Variants in AP2B1 observed in about 807,000 individuals in gnomAD.
AP2B1 encodes the protein adaptor related protein complex 2 subunit beta 1, also known as AP-2 complex subunit beta.
A neutral mutation model predicts 102.0 loss-of-function variants in AP2B1; 23 were observed. The observed-to-expected ratio is 0.23, with a 90% CI of 0.16 to 0.32. The LOEUF (loss-of-function observed/expected upper bound fraction) is 0.32, where lower values mean the gene tolerates loss of function less well. Ranked by LOEUF, AP2B1 falls within the 10% of genes least tolerant of loss-of-function variation. The probability of loss-of-function intolerance (pLI) is 1.00; values close to 1 mark genes in which losing one functional copy is unlikely to be tolerated. For missense variants in AP2B1, 541 were observed against 1,157.4 expected (o/e 0.47, Z 7.73); for synonymous variants, 381 against 421.2 (o/e 0.90, Z 1.17).
intron 18 of AP2B1, among the ~76,000 whole-genome samples, chr17:35,692,816 G>A (rs2076065557): frequency 6.6e-6 from 1 of 152,060 alleles, no homozygotes; most frequent in Non-Finnish European, 1.5e-5. Flanking sequence ...TGGAAGGGAT[G>A]GTCTTTAATT....
At chr17:35,597,650 A>T (rs368910026) in intron 2 of AP2B1, among the ~76,000 whole-genome samples, 1 of 152,180 alleles carries the variant, frequency 6.6e-6, no homozygotes, top group Admixed American at 6.5e-5. Flanking sequence ...CTTTGACATT[A>T]TGATTTATTT....
At chr17:35,616,308 G>A (rs915806435) in intron 5 of AP2B1, among the ~76,000 whole-genome samples, 2 of 151,484 alleles carry the variant, frequency 1.3e-5, no homozygotes, top group Non-Finnish European at 2.9e-5. Flanking sequence ...GGGACTACAG[G>A]CGCCCACCAC....
chr17:35,610,308 C>T (rs1251696981), intron 5 of AP2B1, among the ~76,000 whole-genome samples: 2 of 151,830 alleles, frequency 1.3e-5, no homozygotes, highest in Non-Finnish European at 2.9e-5. Flanking sequence ...CTACCATGCC[C>T]GGCTAATTTT....
In AP2B1 at chr17:35,650,746, A is replaced by G. The variant is rs369933211; in HGVS notation, c.1753A>G (p.Ser585Gly). The change falls in exon 13 of 22, where the codon AGT (serine) becomes GGT (glycine). Residue 585 changes from serine to glycine, a missense_variant. This residue lies in a region of AP2B1 where 106 missense variants were observed against 296.4 expected (regional missense o/e 0.36). Transcript: ENST00000610402. ...GCCTCCCAATGCTTTTGTGGAAGGA[A>G]GTCATGGAATTCATCGTAAACACTT... is the stretch of plus-strand genomic sequence containing the variant. ...HKPPNAFVEG[S>G]HGIHRKHLPI... 3.1e-6 allele frequency: 5 copies of G among 1,614,112 alleles called. No individual in the cohort carries two copies. In the South Asian group the frequency reaches 4.4e-5, roughly 14 times the overall value.
intron 5 of AP2B1, 101 bp downstream of exon 5, chr17:35,608,488 G>T: frequency 7.3e-7 from 1 of 1,365,350 alleles, no homozygotes; most frequent in Non-Finnish European, 1.0e-6. Flanking sequence ...TGGGTTATGG[G>T]GTAGCTATGG....
chr17:35,630,422 A>G (rs2074430001), intron 9 of AP2B1, among the ~76,000 whole-genome samples: 1 of 152,210 alleles, frequency 6.6e-6, no homozygotes, highest in African/African-American at 2.4e-5. Context: ...ATATCTTACT[A>G]GCCGTCTACT....
intron 17 of AP2B1, among the ~76,000 whole-genome samples, chr17:35,680,809 G>C (rs1390692406): frequency 6.7e-6 from 1 of 148,748 alleles, no homozygotes; most frequent in Non-Finnish European, 1.5e-5. Flanking sequence ...CAATTCTCCT[G>C]CTTCAGCCTC....
At chr17:35,623,390 C>A (rs2074236431) in intron 5 of AP2B1, among the ~76,000 whole-genome samples, 1 of 152,032 alleles carries the variant, frequency 6.6e-6, no homozygotes, top group Non-Finnish European at 1.5e-5. Flanking sequence ...ATGGCAAAAC[C>A]CCATTTCTAC....
intron 3 of AP2B1, among the ~76,000 whole-genome samples, chr17:35,603,966 C>A (rs2142371765): frequency 6.6e-6 from 1 of 152,180 alleles, no homozygotes; most frequent in Non-Finnish European, 1.5e-5. Flanking sequence ...ACCAGTGTTT[C>A]CATCATACGT....
chr17:35,703,104 C>A (rs2143004113), intron 18 of AP2B1, among the ~76,000 whole-genome samples: 1 of 151,648 alleles, frequency 6.6e-6, no homozygotes. Flanking sequence ...AACCCCATCT[C>A]TACTAAAAAT....
At chr17:35,617,993 ATGT>A (rs201675823) in intron 5 of AP2B1, among the ~76,000 whole-genome samples, 9,529 of 152,272 alleles carry the variant, frequency 0.063, 410 homozygotes, top group Middle Eastern at 0.11. Context: ...CCTTGTTACT[ATGT>A]AATCAGACTT....
Position 35,725,554 on chromosome 17 carries a change from G to T in AP2B1, c.*1855G>T, listed in dbSNP as rs1286297360. The T allele has an allele frequency of 1.3e-5, 2 of 152,282 alleles. No individual in the cohort carries two copies. Among genetic ancestry groups the T allele is most frequent in the African/African-American group, 4.8e-5 (2 of 41,424 alleles). The allele number at this position is 152,282 out of a possible 1,614,324, so 9.4% of individuals were successfully genotyped here. On this transcript the variant is annotated 3_prime_UTR_variant, in exon 22 of 22. Transcript: ENST00000610402. ...AGAGAAAAATATTTGGGGAAGGAGG[G>T]AGGAAATATGTCCCTTGCACACCAC...
intron 1 of AP2B1, among the ~76,000 whole-genome samples, chr17:35,591,889 G>A (rs1278459339): frequency 6.6e-6 from 1 of 152,146 alleles, no homozygotes; most frequent in Admixed American, 6.5e-5. Context: ...TATTAAAGGA[G>A]AAATTTCTAT....
At chr17:35,701,978 A>G (rs2076247911) in intron 18 of AP2B1, among the ~76,000 whole-genome samples, 1 of 152,206 alleles carries the variant, frequency 6.6e-6, no homozygotes, top group Non-Finnish European at 1.5e-5. Context: ...GAAACTTTGT[A>G]TAGTTTATTT....
intron 18 of AP2B1, among the ~76,000 whole-genome samples, chr17:35,690,398 T>C (rs1456498072): frequency 4.6e-5 from 7 of 152,216 alleles, no homozygotes; most frequent in East Asian, 1.9e-4. Flanking sequence ...GGGAGCTAAA[T>C]TGGGAAAGAG....
In AP2B1 at chr17:35,724,632, T is replaced by C. The variant is rs2085489367; in HGVS notation, c.*933T>C. On this transcript the variant is annotated 3_prime_UTR_variant, in exon 22 of 22. Coordinates refer to ENST00000610402, the MANE Select transcript of AP2B1 (RefSeq NM_001030006.2). ...TTAGAGTTGAAACAGAGTAATAACT[T>C]ATCTAACCCTCTTTTCCTACAAAGG... 1 of 152,200 alleles carries C rather than the reference T, an allele frequency of 6.6e-6. No individual in the cohort carries two copies. Among genetic ancestry groups the C allele is most frequent in the South Asian group, 2.1e-4 (1 of 4,828 alleles). 9.4% of individuals were successfully genotyped at this position (152,200 alleles called of 1,614,324 possible).
In AP2B1 at chr17:35,598,194, A is replaced by G. The variant is rs749089568; in HGVS notation, c.38-36A>G. 5.1e-6 allele frequency: 7 copies of G among 1,372,290 alleles called. No homozygotes were observed. The African/African-American group carries it at 8.6e-5, about 17-fold the overall frequency. The allele number at this position is 1,372,290 out of a possible 1,614,324, so 85.0% of individuals were successfully genotyped here. On this transcript the variant is annotated intron_variant, in intron 2 of 21. Coordinates refer to ENST00000610402, the MANE Select transcript of AP2B1 (RefSeq NM_001030006.2). ...TAGTATTCTGCTCTAAGTCTGTGGT[A>G]CTGGAACCTTACCAGTTTGCTCTCA...
At chr17:35,716,554 T>G (rs1488449214) in intron 20 of AP2B1, among the ~76,000 whole-genome samples, 1 of 152,154 alleles carries the variant, frequency 6.6e-6, no homozygotes, top group Non-Finnish European at 1.5e-5. Context: ...GTTTCGTTAT[T>G]ATTTTCGAGG....
chr17:35,591,727 G>A (rs1282840496), intron 1 of AP2B1, among the ~76,000 whole-genome samples: 1 of 152,088 alleles, frequency 6.6e-6, no homozygotes, highest in Non-Finnish European at 1.5e-5. Context: ...GGTCTTTTAT[G>A]TGAAGAATTC....
Sources: gnomAD v4.1 joint callset for allele counts (sites outside exome capture counted in the v4.1 genomes callset) on GRCh38, gnomAD v4.1.1 for gene constraint, gnomAD v4.1.1 regional missense constraint, MANE v1.5 for transcripts, NCBI Gene and HGNC (gene_info 2026-07-23, HGNC 2026-07-21) for gene names.